Variants in CEP70 observed in about 807,000 individuals in gnomAD.
The protein encoded by CEP70 is centrosomal protein 70.
A neutral mutation model predicts 90.9 loss-of-function variants in CEP70; 70 were observed. The ratio of observed to expected loss-of-function variants is 0.77; its 90% CI spans 0.64 to 0.94. CEP70 has a LOEUF of 0.94. Ranked by LOEUF, CEP70 falls within the 40% of genes least tolerant of loss-of-function variation. The probability of loss-of-function intolerance (pLI) is 0.00; values close to 1 mark genes in which losing one functional copy is unlikely to be tolerated. For synonymous variants in CEP70, 220 were observed against 228.3 expected (o/e 0.96, Z 0.33); for missense variants, 648 against 669.0 (o/e 0.97, Z 0.35).
At chr3:138,497,515 T>C in intron 17 of CEP70, 1 of 973,144 alleles carries the variant, frequency 1.0e-6, no homozygotes, top group Non-Finnish European at 1.2e-6. Context: ...TTTTTTCCTT[T>C]TAGGAGACAC....
intron 11 of CEP70, among the ~76,000 whole-genome samples, chr3:138,516,107 G>A (rs1450731775): frequency 6.6e-6 from 1 of 151,992 alleles, no homozygotes; most frequent in Non-Finnish European, 1.5e-5. Context: ...ACTCTCCCAC[G>A]ATTGTACGTT....
At chr3:138,499,967 T>A in intron 16 of CEP70, 143 bp downstream of exon 16, 2 of 633,038 alleles carry the variant, frequency 3.2e-6, no homozygotes. Context: ...AGACAGGGTC[T>A]CACTGCCTTG....
At chr3:138,533,965 T>C in intron 7 of CEP70, among the ~76,000 whole-genome samples, 1 of 152,094 alleles carries the variant, frequency 6.6e-6, no homozygotes, top group Non-Finnish European at 1.5e-5. Context: ...TTTGTATTTT[T>C]AGTAGAGACG....
chr3:138,568,357 A>T (rs2108120191), intron 6 of CEP70, among the ~76,000 whole-genome samples: 1 of 152,334 alleles, frequency 6.6e-6, no homozygotes, highest in Middle Eastern at 3.4e-3. Flanking sequence ...GTAAATTTGT[A>T]AGCTTTGTAT....
intron 6 of CEP70, among the ~76,000 whole-genome samples, chr3:138,550,481 A>G (rs903858044): frequency 6.6e-6 from 1 of 152,180 alleles, no homozygotes; most frequent in African/African-American, 2.4e-5. Flanking sequence ...CTCCTGCCTC[A>G]GCCTCCTGAG....
chr3:138,501,117 G>A (rs2034476189), intron 13 of CEP70, among the ~76,000 whole-genome samples: 2 of 151,578 alleles, frequency 1.3e-5, no homozygotes, highest in African/African-American at 4.8e-5. Flanking sequence ...GTAAACACAG[G>A]CTTTACAGAA....
At position 138,521,676 on chromosome 3, in the gene CEP70, G is replaced by A. The variant is rs186997576; in HGVS notation, c.944+3814C>T. Among the ~76,000 whole-genome samples, 130 of 146,476 alleles carry A rather than the reference G, an allele frequency of 8.9e-4. 2 individuals carry two copies. In the East Asian group the frequency reaches 0.023, roughly 26 times the overall value. On this transcript the variant is annotated intron_variant, in intron 11 of 17. Transcript: ENST00000264982. Reference sequence around the variant, plus strand: ...CGACCCCGTCTGGGAACTGAGGAGCGCCTCTGCCCGGCCGCCCCGTCTCGG... The same window carrying A: ...CGACCCCGTCTGGGAACTGAGGAGCACCTCTGCCCGGCCGCCCCGTCTCGG...
At chr3:138,585,445 T>G (rs1241621214) in intron 2 of CEP70, among the ~76,000 whole-genome samples, 4 of 152,174 alleles carry the variant, frequency 2.6e-5, no homozygotes, top group Non-Finnish European at 5.9e-5. Context: ...AAACAATCAA[T>G]ATTGTTAAAA....
chr3:138,512,407 T>C (rs562031009), intron 11 of CEP70, among the ~76,000 whole-genome samples: 2 of 152,208 alleles, frequency 1.3e-5, no homozygotes, highest in Non-Finnish European at 2.9e-5. Context: ...ATAACTTCTA[T>C]GTTATATTGC....
chr3:138,564,620 A>G (rs953668479), intron 6 of CEP70, among the ~76,000 whole-genome samples: 9 of 152,354 alleles, frequency 5.9e-5, no homozygotes, highest in Admixed American at 2.0e-4. Flanking sequence ...CAATAGATGC[A>G]GAAAAGGACT....
At chr3:138,573,272 GAGT>G (rs1203016859) in intron 2 of CEP70, among the ~76,000 whole-genome samples, 2 of 151,938 alleles carry the variant, frequency 1.3e-5, no homozygotes, top group Non-Finnish European at 2.9e-5. Flanking sequence ...GGAAAGAATG[GAGT>G]AGAAGGAGCA....
chr3:138,518,399 G>C (rs1395823155), intron 11 of CEP70, among the ~76,000 whole-genome samples: 3 of 152,220 alleles, frequency 2.0e-5, no homozygotes, highest in East Asian at 1.9e-4. Context: ...GTGGGTCCCT[G>C]ACCCCCGAGT....
At chr3:138,592,167 A>C (rs1006100831) in intron 1 of CEP70, among the ~76,000 whole-genome samples, 31 of 151,906 alleles carry the variant, frequency 2.0e-4, no homozygotes, top group Admixed American at 3.9e-4. Flanking sequence ...TCCTCTCCCT[A>C]CCTTGTTAAG....
intron 6 of CEP70, among the ~76,000 whole-genome samples, chr3:138,540,638 T>C (rs2038682182): frequency 6.6e-6 from 1 of 152,226 alleles, no homozygotes; most frequent in Non-Finnish European, 1.5e-5. Context: ...ACTTATACAC[T>C]GTTGATGGGA....
intron 2 of CEP70, among the ~76,000 whole-genome samples, chr3:138,575,059 A>G (rs2041420039): frequency 6.6e-6 from 1 of 152,210 alleles, no homozygotes; most frequent in African/African-American, 2.4e-5. Context: ...AAAGGATCGC[A>G]GCTCCTCACT....
At chr3:138,499,121 G>A (rs1235441739) in intron 16 of CEP70, among the ~76,000 whole-genome samples, 2 of 152,048 alleles carry the variant, frequency 1.3e-5, no homozygotes, top group Admixed American at 6.6e-5. Context: ...TAGGCCAATA[G>A]CAAGATATAT....
At chr3:138,588,431 A>G (rs2108278234) in intron 2 of CEP70, among the ~76,000 whole-genome samples, 1 of 152,362 alleles carries the variant, frequency 6.6e-6, no homozygotes, top group African/African-American at 2.4e-5. Context: ...AATGGTCAAA[A>G]AATTTCAATA....
intron 17 of CEP70, chr3:138,497,260 T>C: frequency 7.9e-7 from 1 of 1,268,876 alleles, no homozygotes; most frequent in Non-Finnish European, 1.0e-6. Context: ...TCTTATCAAG[T>C]TTTCATTGAC....
At chr3:138,575,571 C>A (rs2108191590) in intron 2 of CEP70, among the ~76,000 whole-genome samples, 1 of 152,224 alleles carries the variant, frequency 6.6e-6, no homozygotes, top group Middle Eastern at 3.4e-3. Context: ...GCAAGACAGG[C>A]CAACATTCAA....
Sources: gnomAD v4.1 joint callset for allele counts (sites outside exome capture counted in the v4.1 genomes callset) on GRCh38, gnomAD v4.1.1 for gene constraint, MANE v1.5 for transcripts, NCBI Gene and HGNC (gene_info 2026-07-23, HGNC 2026-07-21) for gene names.